CRADD: variants seen among roughly 807,000 people sequenced by gnomAD.
CRADD encodes the protein death domain-containing protein CRADD.
A neutral mutation model predicts 15.5 loss-of-function variants in CRADD; 9 were observed. The ratio of observed to expected loss-of-function variants is 0.58; its 90% CI spans 0.35 to 1.01. The LOEUF is 1.01. Among genes scored for constraint, CRADD ranks in the 50% least tolerant of loss-of-function variants. The pLI is 0.02. For missense variants in CRADD, 227 were observed against 250.3 expected (o/e 0.91, Z 0.63); for synonymous variants, 118 against 107.6 (o/e 1.10, Z -0.60).
intron 2 of CRADD, among the ~76,000 whole-genome samples, chr12:93,840,193 C>T (rs571713072): frequency 1.3e-4 from 20 of 152,300 alleles, no homozygotes; most frequent in African/African-American, 3.1e-4. Flanking sequence ...ACAATGTCAT[C>T]CCATCTAGCA....
intron 2 of CRADD, among the ~76,000 whole-genome samples, chr12:93,838,454 C>T (rs770338285): frequency 3.9e-5 from 6 of 151,916 alleles, no homozygotes; most frequent in Non-Finnish European, 7.4e-5. Context: ...TGTTGTCAGC[C>T]CCAGGGGTAC....
intron 2 of CRADD, among the ~76,000 whole-genome samples, chr12:93,701,756 G>C (rs961023341): frequency 1.5e-4 from 23 of 152,146 alleles, no homozygotes; most frequent in African/African-American, 5.6e-4. Context: ...TGGAGGATGA[G>C]AGAGGAGCTG....
At chr12:93,846,748 G>T (rs958060590) in intron 2 of CRADD, among the ~76,000 whole-genome samples, 1 of 152,132 alleles carries the variant, frequency 6.6e-6, no homozygotes, top group South Asian at 2.1e-4. Flanking sequence ...AGAAAAGAAT[G>T]CAACCATGTG....
At chr12:93,704,428 GTTC>G (rs1410583375) in intron 2 of CRADD, among the ~76,000 whole-genome samples, 3 of 152,082 alleles carry the variant, frequency 2.0e-5, no homozygotes, top group Non-Finnish European at 1.5e-5. Flanking sequence ...TTACCACATT[GTTC>G]TAGCCAAAAA....
chr12:93,733,407 C>G (rs1206276880), intron 2 of CRADD, among the ~76,000 whole-genome samples: 1 of 152,114 alleles, frequency 6.6e-6, no homozygotes, highest in Admixed American at 6.6e-5. Flanking sequence ...GGGTGCGTGT[C>G]AGAGACTAGT....
chr12:93,775,861 G>A lies in CRADD; in HGVS notation c.299-74109G>A, dbSNP rs115842233. On this transcript the variant is annotated intron_variant, in intron 2 of 2. Transcript: ENST00000332896. ...TCACACCCTTCCCAGCTGATTCACA[G>A]TAGGGTTTCAGAGGACTCTAGGACG... Among the ~76,000 whole-genome samples, 942 of 152,238 alleles carry A rather than the reference G, an allele frequency of 6.2e-3. 11 individuals are homozygous for A. Among genetic ancestry groups the A allele is most frequent in the African/African-American group, 0.022 (903 of 41,536 alleles).
intron 2 of CRADD, among the ~76,000 whole-genome samples, chr12:93,774,362 C>A (rs1363108475): frequency 6.6e-6 from 1 of 152,166 alleles, no homozygotes; most frequent in East Asian, 1.9e-4. Context: ...TTTACCCCTT[C>A]TTTTATAGAT....
At chr12:93,893,508 T>C (rs1958591176) in intron 2 of CRADD, among the ~76,000 whole-genome samples, 1 of 149,608 alleles carries the variant, frequency 6.7e-6, no homozygotes, top group Non-Finnish European at 1.5e-5. Context: ...AGAAAAAAAA[T>C]AAAGAGAAAA....
chr12:93,878,914 G>A (rs76493999), intron 2 of CRADD, among the ~76,000 whole-genome samples: 1,535 of 152,224 alleles, frequency 0.01, 32 homozygotes, highest in African/African-American at 0.035. Context: ...TTTTTTCTGC[G>A]TAGATCGTTG....
At chr12:93,819,556 C>T (rs1189717471) in intron 2 of CRADD, among the ~76,000 whole-genome samples, 1 of 152,188 alleles carries the variant, frequency 6.6e-6, no homozygotes, top group African/African-American at 2.4e-5. Flanking sequence ...GCCTCAGTTT[C>T]CTCATTTAAG....
intron 2 of CRADD, among the ~76,000 whole-genome samples, chr12:93,688,386 C>T (rs2136807560): frequency 6.6e-6 from 1 of 152,096 alleles, no homozygotes; most frequent in South Asian, 2.1e-4. Flanking sequence ...ACCTGTCATC[C>T]CAGCTTCTTG....
intron 2 of CRADD, among the ~76,000 whole-genome samples, chr12:93,716,220 T>C (rs1189648961): frequency 6.6e-6 from 1 of 152,166 alleles, no homozygotes; most frequent in African/African-American, 2.4e-5. Context: ...TACACTTTAT[T>C]TTTTAGAGCA....
In CRADD at chr12:93,773,363, C is replaced by T. The variant is rs1212164184; in HGVS notation, c.299-76607C>T. Among the ~76,000 whole-genome samples the T allele has an allele frequency of 2.6e-5, 4 of 152,128 alleles. 1 individual carries two copies. The highest frequency in any genetic ancestry group is 7.2e-5 in the African/African-American group (3 of 41,416). ...TGTTCTGGTGGTGACGAATGAGTCT[C>T]ACGGGATCTGATGATTATATAAGGG... On this transcript the variant is annotated intron_variant, in intron 2 of 2. Transcript: ENST00000332896.
intron 2 of CRADD, among the ~76,000 whole-genome samples, chr12:93,688,670 T>C (rs1955494263): frequency 6.6e-6 from 1 of 152,190 alleles, no homozygotes; most frequent in South Asian, 2.1e-4. Flanking sequence ...GAGGTGGTAT[T>C]ATTACCCTTT....
intron 2 of CRADD, among the ~76,000 whole-genome samples, chr12:93,858,012 T>C (rs1327709000): frequency 6.6e-6 from 1 of 152,244 alleles, no homozygotes; most frequent in East Asian, 1.9e-4. Flanking sequence ...CTGGAAGTAA[T>C]AATTATTCCC....
intron 2 of CRADD, among the ~76,000 whole-genome samples, chr12:93,761,264 A>T (rs189778645): frequency 3.9e-5 from 6 of 152,326 alleles, no homozygotes; most frequent in African/African-American, 1.4e-4. Context: ...TCAGCTTTTC[A>T]TTCTTTAAAA....
At chr12:93,886,845 C>T (rs1958541046) in intron 2 of CRADD, among the ~76,000 whole-genome samples, 1 of 152,050 alleles carries the variant, frequency 6.6e-6, no homozygotes, top group South Asian at 2.1e-4. Flanking sequence ...TGCGGAGGTT[C>T]CAAAGGGACC....
At chr12:93,715,176 G>A (rs1386159426) in intron 2 of CRADD, among the ~76,000 whole-genome samples, 2 of 152,078 alleles carry the variant, frequency 1.3e-5, no homozygotes, top group African/African-American at 2.4e-5. Flanking sequence ...TTGAGGACCC[G>A]AGAAGTTAAC....
intron 2 of CRADD, among the ~76,000 whole-genome samples, chr12:93,688,494 CAAAA>C (rs143174603): frequency 2.5e-5 from 2 of 80,602 alleles, no homozygotes; most frequent in Non-Finnish European, 2.5e-5. Context: ...GACCCTGTCT[CAAAA>C]AAAAAAAAAA....
Sources: gnomAD v4.1 joint callset for allele counts (sites outside exome capture counted in the v4.1 genomes callset) on GRCh38, gnomAD v4.1.1 for gene constraint, MANE v1.5 for transcripts, NCBI Gene and HGNC (gene_info 2026-07-23, HGNC 2026-07-21) for gene names.